Variants in BRD1 observed in about 807,000 individuals in gnomAD.
BRD1 encodes the protein bromodomain containing 1.
BRD1 carries 24 observed loss-of-function variants against 107.7 expected under a neutral mutation model. That is an observed-to-expected ratio of 0.22 (90% CI 0.16 to 0.31). BRD1 has a LOEUF of 0.31. BRD1 is among the 10% of genes least tolerant of loss of function. The pLI is 1.00. For missense variants in BRD1, 1,279 were observed against 1,638.6 expected, an observed-to-expected ratio of 0.78 and a Z score of 3.79; for synonymous variants, 744 against 686.1, an observed-to-expected ratio of 1.08 and a Z score of -1.32.
At chr22:49,811,983 AT>A (rs951663036) in intron 2 of BRD1, among the ~76,000 whole-genome samples, 31 of 152,356 alleles carry the variant, frequency 2.0e-4, no homozygotes, top group African/African-American at 7.2e-4. Context: ...CATATCAAAA[AT>A]TCCTCTCAAA....
Position 49,804,200 on chromosome 22 carries a change from G to C in BRD1, c.1524+4C>G, listed in dbSNP as rs764104652. The C allele has an allele frequency of 1.3e-6, 2 of 1,576,376 alleles. No homozygotes were observed. On this transcript the variant is annotated splice_donor_region_variant and intron_variant, in intron 3 of 12. Coordinates refer to ENST00000404760, the MANE Select transcript of BRD1 (RefSeq NM_001304808.3). ...AAAGGCTGTGGGGGCCACGAGCCAC[G>C]TACCTGCTGTGAGCTTCGCTGAGAC...
chr22:49,791,474 A>T (rs887611150), intron 7 of BRD1, among the ~76,000 whole-genome samples: 1 of 152,158 alleles, frequency 6.6e-6, no homozygotes. Flanking sequence ...TTGAGGAATT[A>T]CTCTTTTCAG....
Position 49,823,003 on chromosome 22 carries a change from C to T in BRD1, c.1315G>A (p.Glu439Lys). The change falls in exon 2 of 13, where the codon GAG becomes AAG. Residue 439 changes from glutamate to lysine, a missense_variant. Glu to Lys is a moderately conservative substitution (Grantham distance 56). Coordinates refer to ENST00000404760, the MANE Select transcript of BRD1 (RefSeq NM_001304808.3). ...ACGGTCGGCAGGACCGCGCAGGGCT[C>T]AGCCAGAGCTTTCTTAGCCTTTTTT... is the stretch of plus-strand genomic sequence containing the variant. The part of the protein sequence containing the change: ...KAKKAKKALA[E>K]PCAVLPTVCA... 2.5e-6 allele frequency: 4 copies of T among 1,614,242 alleles called. No homozygotes were observed. Among genetic ancestry groups the T allele is most frequent in the Non-Finnish European group, 3.4e-6 (4 of 1,180,044 alleles).
At chr22:49,789,940 G>C (rs1385191265) in intron 7 of BRD1, among the ~76,000 whole-genome samples, 1 of 152,188 alleles carries the variant, frequency 6.6e-6, no homozygotes, top group Non-Finnish European at 1.5e-5. Context: ...CCTAACCCCT[G>C]GTCTATCCCA....
intron 7 of BRD1, among the ~76,000 whole-genome samples, chr22:49,788,612 C>T (rs1320331691): frequency 3.9e-5 from 6 of 152,110 alleles, no homozygotes; most frequent in Admixed American, 6.5e-5. Flanking sequence ...GTAAAAAGCC[C>T]GAGGTCAGGA....
chr22:49,798,236 G>A (rs777126507), intron 5 of BRD1, 119 bp from the exon 6 acceptor site: 9 of 1,089,202 alleles, frequency 8.3e-6, no homozygotes, highest in South Asian at 6.2e-5. Flanking sequence ...ACACAGACAC[G>A]CAGACGGTAC....
At chr22:49,796,409 T>G (rs993215339) in intron 6 of BRD1, among the ~76,000 whole-genome samples, 11 of 150,810 alleles carry the variant, frequency 7.3e-5, no homozygotes, top group African/African-American at 2.7e-4. Flanking sequence ...CAGGCTTCAG[T>G]GCAATGGCAC....
At chr22:49,822,872 G>T in intron 2 of BRD1, 79 bp downstream of exon 2, 1 of 1,512,080 alleles carries the variant, frequency 6.6e-7, no homozygotes. Flanking sequence ...CACAGCACGG[G>T]CCCTGCAGGC....
rs1019298326 is a variant in BRD1 at position 49,824,516 on chromosome 22, C to T, written c.-14-185G>A. ...CCAGGCCTGAGCGAGTCCCCAGGACCAGGGAGGGAGCAGCAGTAACAGGCA... is the reference window on the plus strand; with the variant it reads ...CCAGGCCTGAGCGAGTCCCCAGGACTAGGGAGGGAGCAGCAGTAACAGGCA... On this transcript the variant is annotated intron_variant, in intron 1 of 12. Coordinates refer to ENST00000404760, the MANE Select transcript of BRD1 (RefSeq NM_001304808.3). The surrounding 1 kb of genome is among the most constrained non-coding windows in gnomAD (Gnocchi z 5.9). 1.6e-5 allele frequency: 22 copies of T among 1,415,966 alleles called. No homozygotes were observed. The highest frequency in any genetic ancestry group is 2.6e-4 in the Middle Eastern group (1 of 3,786). The allele number at this position is 1,415,966 out of a possible 1,614,324, so 87.7% of individuals were successfully genotyped here. A position where few individuals can be genotyped will look rare whatever the true frequency, so the allele number is the denominator to read the frequency against.
At chr22:49,818,759 G>A (rs2060005302) in intron 2 of BRD1, among the ~76,000 whole-genome samples, 1 of 151,924 alleles carries the variant, frequency 6.6e-6, no homozygotes, top group Non-Finnish European at 1.5e-5. Context: ...GGTGGTGGGC[G>A]CCTGTGGTCC....
intron 2 of BRD1, chr22:49,806,840 A>C (rs1271520285): frequency 1.3e-5 from 2 of 152,234 alleles, no homozygotes; most frequent in African/African-American, 2.4e-5. Flanking sequence ...GCTACTAAAA[A>C]TACAAAAATT....
At chr22:49,786,225 G>A (rs1465327383) in intron 8 of BRD1, among the ~76,000 whole-genome samples, 1 of 152,192 alleles carries the variant, frequency 6.6e-6, no homozygotes, top group Non-Finnish European at 1.5e-5. Flanking sequence ...TGACAAACAT[G>A]CTCCAGACAC....
intron 2 of BRD1, among the ~76,000 whole-genome samples, chr22:49,816,814 G>C (rs2059961666): frequency 6.6e-6 from 1 of 152,210 alleles, no homozygotes; most frequent in South Asian, 2.1e-4. Flanking sequence ...CCGAATTCTG[G>C]GGCCCAAGGT....
intron 7 of BRD1, among the ~76,000 whole-genome samples, chr22:49,789,074 A>G (rs2059383629): frequency 6.6e-6 from 1 of 152,184 alleles, no homozygotes. Flanking sequence ...GGTGCCTCTG[A>G]TTTTAAATGA....
intron 1 of BRD1, among the ~76,000 whole-genome samples, chr22:49,826,543 C>T (rs1404906753): frequency 6.6e-6 from 1 of 152,196 alleles, no homozygotes; most frequent in East Asian, 1.9e-4. Context: ...GGGCCACAGG[C>T]GGGGAAGGCT....
At chr22:49,801,196 G>A (rs1044095715) in intron 3 of BRD1, among the ~76,000 whole-genome samples, 6 of 152,228 alleles carry the variant, frequency 3.9e-5, no homozygotes, top group African/African-American at 1.4e-4. Flanking sequence ...ACAGTGGGAC[G>A]CCACCAGCAT....
intron 2 of BRD1, among the ~76,000 whole-genome samples, chr22:49,813,001 TGAGACCAG>T (rs1198155958): frequency 6.6e-6 from 1 of 152,174 alleles, no homozygotes; most frequent in Non-Finnish European, 1.5e-5. Flanking sequence ...ACAGCTGGCC[TGAGACCAG>T]GAGGCCAAGC....
Position 49,777,670 on chromosome 22 carries a change from G to A in BRD1, c.2993+8C>T, listed in dbSNP as rs1034268673. 1.9e-6 allele frequency: 3 copies of A among 1,603,562 alleles called. No individual in the cohort carries two copies. Among genetic ancestry groups the A allele is most frequent in the African/African-American group, 1.3e-5 (1 of 74,832 alleles). On this transcript the variant is annotated splice_region_variant and intron_variant, in intron 9 of 12. Transcript: ENST00000404760. ...GCGTGGTGGGAAGCGCAGGGCCGCG[G>A]TGCCCACCTCGAGTCGCAGAGCGGG...
chr22:49,778,812 C>A (rs1236008151), intron 8 of BRD1, among the ~76,000 whole-genome samples: 1 of 152,092 alleles, frequency 6.6e-6, no homozygotes, highest in African/African-American at 2.4e-5. Context: ...CAGGCGCCCG[C>A]CACCATGCCT....
Sources: allele counts gnomAD v4.1 joint callset (sites outside exome capture counted in the v4.1 genomes callset), GRCh38; gene constraint gnomAD v4.1.1; non-coding constraint Gnocchi (gnomAD v3.1); transcripts MANE v1.5; gene names NCBI Gene and HGNC (gene_info 2026-07-23, HGNC 2026-07-21).